Variants in ROBO2 observed in about 807,000 individuals in gnomAD.
ROBO2 encodes the protein roundabout guidance receptor 2, also known as roundabout homolog 2.
In ROBO2, 53 loss-of-function variants were observed where a neutral mutation model predicts 160.8. That is an observed-to-expected ratio of 0.33 (90% CI 0.26 to 0.41). ROBO2 has a LOEUF of 0.41. ROBO2 is among the 10% of genes least tolerant of loss of function. The pLI is 1.00. For missense variants in ROBO2, 1,577 were observed against 1,722.4 expected (o/e 0.92, Z 1.49); for synonymous variants, 664 against 611.7 (o/e 1.09, Z -1.26).
chr3:77,202,042 GTA>G (rs1332896732), intron 2 of ROBO2, among the ~76,000 whole-genome samples: 1 of 152,056 alleles, frequency 6.6e-6, no homozygotes, highest in Non-Finnish European at 1.5e-5. Context: ...TGAGGAGTGT[GTA>G]TGTTTCTCAA....
chr3:77,099,643 G>A (rs1055239352), intron 2 of ROBO2, among the ~76,000 whole-genome samples: 1 of 152,042 alleles, frequency 6.6e-6, no homozygotes, highest in Non-Finnish European at 1.5e-5. Context: ...ATCCATACCT[G>A]TTCCATTTTT....
At chr3:77,105,035 C>T (rs778791457) in intron 2 of ROBO2, among the ~76,000 whole-genome samples, 19 of 152,144 alleles carry the variant, frequency 1.2e-4, no homozygotes, top group Non-Finnish European at 2.5e-4. Flanking sequence ...CAGAAGCTGA[C>T]GTTACCCTTC....
At chr3:76,147,570 A>G (rs2071965179) in intron 2 of ROBO2, among the ~76,000 whole-genome samples, 1 of 151,998 alleles carries the variant, frequency 6.6e-6, no homozygotes, top group Non-Finnish European at 1.5e-5. Flanking sequence ...AACTCTACTC[A>G]AAGTACTTAA....
intron 2 of ROBO2, among the ~76,000 whole-genome samples, chr3:77,231,517 C>T (rs986379209): frequency 3.9e-5 from 6 of 152,052 alleles, no homozygotes; most frequent in African/African-American, 1.4e-4. Context: ...ATATGCCTTA[C>T]TTTATTCTTT....
At chr3:76,371,305 TAATC>T (rs2076086760) in intron 2 of ROBO2, among the ~76,000 whole-genome samples, 2 of 152,114 alleles carry the variant, frequency 1.3e-5, no homozygotes, top group South Asian at 4.1e-4. Context: ...AAAAATATCT[TAATC>T]AGAGGAAAGT....
At chr3:76,083,960 G>A (rs1175500155) in intron 2 of ROBO2, among the ~76,000 whole-genome samples, 1 of 152,046 alleles carries the variant, frequency 6.6e-6, no homozygotes, top group African/African-American at 2.4e-5. Context: ...CTTATGCCTG[G>A]GAAATGGCCA....
In ROBO2 at chr3:77,310,246, A is replaced by T. The variant is rs894945556; in HGVS notation, c.389-167168A>T. On this transcript the variant is annotated intron_variant, in intron 2 of 25. Transcript: ENST00000461745. ...AAAAGCTAAATCTAACATTGGTAAA[A>T]TTTAGTCCCTATTTGTAGCCTGATG... is the stretch of plus-strand genomic sequence containing the variant. 2.6e-5 allele frequency among the ~76,000 whole-genome samples: 4 copies of T among 152,160 alleles called. No homozygotes were observed. In the South Asian group the frequency reaches 6.2e-4, roughly 24 times the overall value.
chr3:77,143,180 T>G (rs999217630), intron 2 of ROBO2, among the ~76,000 whole-genome samples: 1 of 111,378 alleles, frequency 9.0e-6, no homozygotes, highest in Non-Finnish European at 1.8e-5. Flanking sequence ...GCAGCTTTTT[T>G]TTTTTTTTTT....
chr3:76,725,051 G>C (rs1436090273), intron 2 of ROBO2, among the ~76,000 whole-genome samples: 3 of 152,140 alleles, frequency 2.0e-5, no homozygotes, highest in African/African-American at 4.8e-5. Flanking sequence ...CTTGATGTCA[G>C]CTCAGTAATA....
At chr3:77,058,653 T>C (rs1414058618) in intron 1 of ROBO2, among the ~76,000 whole-genome samples, 2 of 152,002 alleles carry the variant, frequency 1.3e-5, no homozygotes, top group Non-Finnish European at 2.9e-5. Context: ...TCACTTCAGC[T>C]TGAGTAGCTG....
chr3:77,150,161 A>G (rs1372624608), intron 2 of ROBO2, among the ~76,000 whole-genome samples: 1 of 152,212 alleles, frequency 6.6e-6, no homozygotes, highest in East Asian at 1.9e-4. Context: ...GAAAACACTC[A>G]AAACTCCCCT....
intron 2 of ROBO2, among the ~76,000 whole-genome samples, chr3:77,106,602 G>C (rs935391439): frequency 6.6e-6 from 1 of 152,102 alleles, no homozygotes; most frequent in East Asian, 1.9e-4. Flanking sequence ...CAGAATTATA[G>C]AAGTAAAAAC....
intron 2 of ROBO2, among the ~76,000 whole-genome samples, chr3:76,079,873 C>T (rs1237631910): frequency 1.3e-5 from 2 of 151,972 alleles, no homozygotes; most frequent in East Asian, 1.9e-4. Context: ...GAAATTTCTA[C>T]AAAATCCTAA....
intron 2 of ROBO2, among the ~76,000 whole-genome samples, chr3:77,462,996 C>T (rs1428828904): frequency 2.0e-5 from 3 of 152,108 alleles, no homozygotes; most frequent in African/African-American, 7.2e-5. Flanking sequence ...TATACTTGTC[C>T]CCAATAATTC....
At chr3:76,961,260 A>AAC (rs1559767712) in intron 2 of ROBO2, among the ~76,000 whole-genome samples, 1 of 151,794 alleles carries the variant, frequency 6.6e-6, no homozygotes, top group African/African-American at 2.4e-5. Context: ...AAAAAAAAAA[A>AAC]AAAAAAAACA....
chr3:77,082,287 C>A (rs903318940), intron 1 of ROBO2, among the ~76,000 whole-genome samples: 1 of 152,118 alleles, frequency 6.6e-6, no homozygotes, highest in Non-Finnish European at 1.5e-5. Flanking sequence ...ACTCCTTGTT[C>A]CTGTTTTGAC....
chr3:77,281,182 A>G (rs778290801), intron 2 of ROBO2, among the ~76,000 whole-genome samples: 1 of 152,220 alleles, frequency 6.6e-6, no homozygotes, highest in East Asian at 1.9e-4. Flanking sequence ...AGATGCTTGC[A>G]ATTGTTCATT....
chr3:76,917,447 T>C (rs891555114), intron 2 of ROBO2, among the ~76,000 whole-genome samples: 5 of 152,172 alleles, frequency 3.3e-5, no homozygotes, highest in African/African-American at 1.2e-4. Flanking sequence ...GAGAAAATCA[T>C]GAAAACATTA....
At chr3:76,402,129 C>A (rs1310627308) in intron 2 of ROBO2, among the ~76,000 whole-genome samples, 2 of 151,442 alleles carry the variant, frequency 1.3e-5, no homozygotes, top group African/African-American at 4.8e-5. Flanking sequence ...AACAATTTTA[C>A]TTCTTTTACT....
Sources: gnomAD v4.1 joint callset for allele counts (sites outside exome capture counted in the v4.1 genomes callset) on GRCh38, gnomAD v4.1.1 for gene constraint, MANE v1.5 for transcripts, NCBI Gene and HGNC (gene_info 2026-07-23, HGNC 2026-07-21) for gene names.